WNK2: variants seen among roughly 807,000 people sequenced by gnomAD.
WNK2 encodes the protein serine/threonine-protein kinase WNK2.
A neutral mutation model predicts 192.1 loss-of-function variants in WNK2; 67 were observed. That is an observed-to-expected ratio of 0.35 (90% CI 0.29 to 0.43). The LOEUF (loss-of-function observed/expected upper bound fraction) is 0.43, where lower values mean the gene tolerates loss of function less well. Ranked by LOEUF, WNK2 falls within the 20% of genes least tolerant of loss-of-function variation. The pLI is 1.00. For missense variants in WNK2, 2,698 were observed against 3,089.7 expected, an observed-to-expected ratio of 0.87 and a Z score of 3.01; for synonymous variants, 1,439 against 1,393.9, an observed-to-expected ratio of 1.03 and a Z score of -0.72.
In WNK2 at chr9:93,308,466, C is replaced by T. The variant is rs139711080; in HGVS notation, c.6398C>T (p.Thr2133Met). Residue 2133 changes from threonine to methionine, a missense_variant, in exon 28 of 30, where the codon ACG becomes ATG. Coordinates refer to ENST00000427277, the MANE Select transcript of WNK2 (RefSeq NM_006648.4). The stretch of plus-strand genomic sequence containing the variant: ...CTGCACAAGCTGGTGGACGAGTGGA[C>T]GAGCAAGACGGTGGGGGCCGCGCAG... ...DDLHKLVDEW[T>M]SKTVGAAQLK... 17 of 1,610,236 alleles carry T rather than the reference C, an allele frequency of 1.1e-5. No homozygotes were observed. The highest frequency in any genetic ancestry group is 1.4e-5 in the Non-Finnish European group (16 of 1,178,698).
intron 29 of WNK2, chr9:93,319,030 G>A (rs551437699): frequency 7.7e-5 from 120 of 1,550,264 alleles, no homozygotes; most frequent in African/African-American, 2.3e-4. Context: ...CGATGCTGTC[G>A]TAAGAGATTT....
chr9:93,263,298 G>A (rs892267268), intron 14 of WNK2: 22 of 530,826 alleles, frequency 4.1e-5, no homozygotes, highest in Admixed American at 1.3e-4. Flanking sequence ...GGGCTGATTC[G>A]CAGGTCAGGA....
At chr9:93,184,528 C>T (rs1465835669) in intron 1 of WNK2, among the ~76,000 whole-genome samples, 143 bp downstream of exon 1, 1 of 152,116 alleles carries the variant, frequency 6.6e-6, no homozygotes, top group Admixed American at 6.5e-5. Flanking sequence ...CTTCCTCCCA[C>T]CCCCGGGCTT....
Position 93,297,969 on chromosome 9 carries a change from C to T in WNK2, c.5825C>T (p.Pro1942Leu). Residue 1942 changes from proline (P) to leucine (L), a missense_variant, in exon 24 of 30, where the codon CCC becomes CTC. Pro to Leu is a moderately conservative substitution (Grantham distance 98, BLOSUM62 -3). Around this residue, in one of 7 missense-constraint regions of WNK2, gnomAD observed 1,098 missense variants for 1,101.0 expected, o/e 1.00. Transcript: ENST00000427277. ...PNVGFFHTAP[P>L]TGRRRKTSKS... is the part of the protein sequence containing the mutation. Reference sequence around the variant, plus strand: ...GTGGGCTTCTTCCACACGGCACCCCCCACTGGCCGCCGGAGAAAAACCAGC... The same window carrying T: ...GTGGGCTTCTTCCACACGGCACCCCTCACTGGCCGCCGGAGAAAAACCAGC... 1 of 1,570,764 alleles carries T rather than the reference C, an allele frequency of 6.4e-7. No individual in the cohort carries two copies.
chr9:93,306,758 GT>G lies in WNK2; in HGVS notation c.6215-16del, dbSNP rs1243980592. ...CTGCCTAACCCTGTGGTCTTGTGTC[GT>G]TTCTTTTTCCCTTGCAGGGTCTGCC... On this transcript the variant is annotated intron_variant, in intron 26 of 29. Coordinates refer to ENST00000427277, the MANE Select transcript of WNK2 (RefSeq NM_006648.4). 1.2e-6 allele frequency: 2 copies of G among 1,613,934 alleles called. No homozygotes were observed. The highest frequency in any genetic ancestry group is 3.3e-5 in the Admixed American group (2 of 60,014).
Position 93,184,173 on chromosome 9 carries a change from C to A in WNK2, c.-215C>A, listed in dbSNP as rs1037060437. 2.7e-5 allele frequency among the ~76,000 whole-genome samples: 4 copies of A among 149,734 alleles called. No individual in the cohort carries two copies. Among genetic ancestry groups the A allele is most frequent in the Non-Finnish European group, 6.0e-5 (4 of 67,154 alleles). ...CGCCGGGTCGGAGCCGGTGCGGGAG[C>A]GGAGCCGCGCGAAGCCGGCAGGAGC... On this transcript the variant is annotated 5_prime_UTR_variant, in exon 1 of 30. Coordinates refer to ENST00000427277, the MANE Select transcript of WNK2 (RefSeq NM_006648.4).
intron 26 of WNK2, among the ~76,000 whole-genome samples, chr9:93,303,699 C>T (rs2134160597): frequency 6.6e-6 from 1 of 152,304 alleles, no homozygotes; most frequent in South Asian, 2.1e-4. Flanking sequence ...GTGGAGCAGG[C>T]CTGTGTGCAA....
intron 29 of WNK2, chr9:93,317,974 C>T (rs754095012): frequency 2.5e-5 from 40 of 1,612,484 alleles, no homozygotes; most frequent in South Asian, 6.6e-5. Flanking sequence ...AGGGGGACAG[C>T]GGGTGGGCAG....
In WNK2 at chr9:93,317,609, G is replaced by T; in HGVS notation, c.6606G>T (p.Pro2202=). ...CCACGGTCATTCCCGGAGCCGCCCC[G>T]ACCCTGTCCGTGCCCACACCAGGTA... ...LSTTVIPGAA[P]TLSVPTPDPE... The change falls in exon 29 of 30, where the codon CCG becomes CCT. Residue 2202 remains proline (P), a synonymous_variant. Transcript: ENST00000427277. 1 of 1,612,968 alleles carries T rather than the reference G, an allele frequency of 6.2e-7. No individual in the cohort carries two copies. Among genetic ancestry groups the T allele is most frequent in the Non-Finnish European group, 8.5e-7 (1 of 1,179,830 alleles).
chr9:93,295,687 ATCCTC>A (rs961604289), intron 23 of WNK2, among the ~76,000 whole-genome samples: 2 of 151,118 alleles, frequency 1.3e-5, no homozygotes, highest in African/African-American at 4.9e-5. Flanking sequence ...TCCACTCCCC[ATCCTC>A]TCCTCTCCAT....
chr9:93,236,590 G>A (rs771349137), intron 5 of WNK2, among the ~76,000 whole-genome samples: 23 of 150,808 alleles, frequency 1.5e-4, no homozygotes, highest in Non-Finnish European at 8.9e-5. Flanking sequence ...CTAGCAGATT[G>A]CAAGCAGCAC....
intron 16 of WNK2, among the ~76,000 whole-genome samples, chr9:93,265,365 A>C (rs1030828532): frequency 6.6e-6 from 1 of 152,114 alleles, no homozygotes; most frequent in African/African-American, 2.4e-5. Flanking sequence ...GCTTTGTTCA[A>C]CCTCAAAGGT....
chr9:93,275,022 A>G (rs1846583833), intron 19 of WNK2, among the ~76,000 whole-genome samples: 3 of 151,460 alleles, frequency 2.0e-5, no homozygotes, highest in Admixed American at 6.6e-5. Flanking sequence ...GAGGGCAAAT[A>G]TTCTCAAAAT....
intron 2 of WNK2, among the ~76,000 whole-genome samples, chr9:93,205,324 C>G (rs957249085): frequency 6.2e-4 from 94 of 152,214 alleles, no homozygotes; most frequent in Admixed American, 6.1e-3. Flanking sequence ...AGGCCAGCAC[C>G]AGCCTTCATG....
Position 93,308,580 on chromosome 9 carries a change from G to A in WNK2, c.6512G>A (p.Arg2171Gln), listed in dbSNP as rs771367178. 1.2e-5 allele frequency: 19 copies of A among 1,577,092 alleles called. No individual in the cohort carries two copies. The highest frequency in any genetic ancestry group is 1.1e-4 in the Admixed American group (6 of 55,024). ...QAGWAAPGEA[R>Q]AMTAPRAGVG... ...GGCTGGGCTGCCCCTGGCGAGGCGC[G>A]GGCTGTGAGTGCGGGGCGGGTGGGG... Residue 2171 changes from arginine to glutamine, a missense_variant, in exon 28 of 30, where the codon CGG (arginine) becomes CAG (glutamine). Arg to Gln is a conservative substitution (Grantham distance 43, BLOSUM62 1). Around this residue, in one of 7 missense-constraint regions of WNK2, gnomAD observed 167 missense variants for 184.2 expected, o/e 0.91. Transcript: ENST00000427277.
In WNK2 at chr9:93,234,786, C is replaced by T. The variant is rs185440804; in HGVS notation, c.1076-22C>T. The stretch of plus-strand genomic sequence containing the variant: ...TGGGCCCGTGGCCAGCTGACAGCTG[C>T]GTCTGTTGCTTCCGGGCACAGGTAC... On this transcript the variant is annotated intron_variant, in intron 4 of 29. Transcript: ENST00000427277. 4,658 of 1,606,158 alleles carry T rather than the reference C, an allele frequency of 2.9e-3. 19 individuals are homozygous for T. The highest frequency in any genetic ancestry group is 0.017 in the Middle Eastern group (102 of 5,938).
intron 2 of WNK2, among the ~76,000 whole-genome samples, chr9:93,218,347 G>T (rs940010837): frequency 6.6e-6 from 1 of 152,200 alleles, no homozygotes; most frequent in South Asian, 2.1e-4. Flanking sequence ...GTGTCCCTGC[G>T]GGAAGTGGCC....
intron 2 of WNK2, among the ~76,000 whole-genome samples, chr9:93,211,554 T>C (rs1834736856): frequency 6.9e-6 from 1 of 144,452 alleles, no homozygotes; most frequent in Non-Finnish European, 1.5e-5. Context: ...ATTCACTCAC[T>C]CACTCATCCA....
At chr9:93,294,870 C>G (rs1443116788) in intron 23 of WNK2, among the ~76,000 whole-genome samples, 1 of 152,036 alleles carries the variant, frequency 6.6e-6, no homozygotes, top group Non-Finnish European at 1.5e-5. Flanking sequence ...GCCGTGGAGT[C>G]CAGAGGGAAG....
Sources: gnomAD v4.1 joint callset for allele counts (sites outside exome capture counted in the v4.1 genomes callset) on GRCh38, gnomAD v4.1.1 for gene constraint, gnomAD v4.1.1 regional missense constraint, MANE v1.5 for transcripts, NCBI Gene and HGNC (gene_info 2026-07-23, HGNC 2026-07-21) for gene names.